The following CELF2 variants were observed in gnomAD, a reference collection of about 807,000 sequenced individuals.
CELF2 encodes CUG triplet repeat RNA-binding protein 2.
A neutral mutation model predicts 62.6 loss-of-function variants in CELF2; 8 were observed. The ratio of observed to expected loss-of-function variants is 0.13; its 90% CI spans 0.07 to 0.23. The LOEUF is 0.23. Ranked by LOEUF, CELF2 falls within the 10% of genes least tolerant of loss-of-function variation. CELF2 has a pLI of 1.00. For missense variants in CELF2, 333 were observed against 671.0 expected (o/e 0.50, Z 5.56); for synonymous variants, 258 against 250.0 (o/e 1.03, Z -0.30).
At chr10:10,824,084 C>A (rs2057191924) in intron 1 of CELF2, among the ~76,000 whole-genome samples, 1 of 152,110 alleles carries the variant, frequency 6.6e-6, no homozygotes, top group Non-Finnish European at 1.5e-5. Flanking sequence ...CTAGCTGCAA[C>A]TGAGAGATAA....
chr10:10,620,680 A>C, the CELF2 span, among the ~76,000 whole-genome samples: 24 of 151,918 alleles, frequency 1.6e-4, no homozygotes, highest in Admixed American at 1.2e-3. Context: ...AGGCAGGCGG[A>C]TCACGAGGTC....
At position 11,098,185 on chromosome 10, in the gene CELF2, G is replaced by A. The variant is rs1466156903; in HGVS notation, c.75-67301G>A. ...TTTCGTATGCCCATATTTTGGATTGGATGGACCAAGTGAAGGACAGTCTTA... is the reference window on the plus strand; with the variant it reads ...TTTCGTATGCCCATATTTTGGATTGAATGGACCAAGTGAAGGACAGTCTTA... On this transcript the variant is annotated intron_variant, in intron 1 of 12. Transcript: ENST00000633077. The surrounding 1 kb of genome is among the most constrained non-coding windows in gnomAD (Gnocchi z 4.0). 2.0e-5 allele frequency: 3 copies of A among 152,540 alleles called. No homozygotes were observed. Among genetic ancestry groups the A allele is most frequent in the African/African-American group, 7.2e-5 (3 of 41,582 alleles). The allele number at this position is 152,540 out of a possible 1,614,324, so 9.4% of individuals were successfully genotyped here. A position where few individuals can be genotyped will look rare whatever the true frequency, so the allele number is the denominator to read the frequency against.
chr10:11,082,260 A>G (rs2074221367), intron 1 of CELF2, among the ~76,000 whole-genome samples: 1 of 152,192 alleles, frequency 6.6e-6, no homozygotes, highest in East Asian at 1.9e-4. Flanking sequence ...GCTCCTTCCA[A>G]CAGAGGATCC....
intron 1 of CELF2, among the ~76,000 whole-genome samples, chr10:11,066,937 G>C (rs1240720336): frequency 6.6e-6 from 1 of 152,094 alleles, no homozygotes; most frequent in Non-Finnish European, 1.5e-5. Flanking sequence ...GCACAGTCAG[G>C]GTGAGACTGT....
chr10:11,151,913 T>C (rs890736916), intron 1 of CELF2, among the ~76,000 whole-genome samples: 5 of 152,190 alleles, frequency 3.3e-5, no homozygotes, highest in Non-Finnish European at 7.4e-5. Flanking sequence ...AGTAGCCCCC[T>C]CTCTGAGTAG....
the CELF2 span, among the ~76,000 whole-genome samples, chr10:10,713,127 A>G: frequency 1.3e-5 from 2 of 152,150 alleles, no homozygotes; most frequent in Non-Finnish European, 2.9e-5. Flanking sequence ...TTTGTTTCTG[A>G]CACCCTTTCC....
the CELF2 span, among the ~76,000 whole-genome samples, chr10:10,463,323 T>C: frequency 1.3e-5 from 2 of 152,176 alleles, no homozygotes; most frequent in South Asian, 2.1e-4. Context: ...TACTCTGTTG[T>C]GGGGGAATAA....
Position 10,931,861 on chromosome 10 carries a change from C to A in CELF2, c.89+11862C>A, listed in dbSNP as rs1027237766. Among the ~76,000 whole-genome samples the A allele has an allele frequency of 3.9e-5, 6 of 152,164 alleles. No homozygotes were observed. The highest frequency in any genetic ancestry group is 7.4e-5 in the Non-Finnish European group (5 of 68,026). On this transcript the variant is annotated intron_variant, in intron 2 of 13. Coordinates refer to the CELF2 transcript ENST00000636488. This position sits in a 1 kb window ranked among gnomAD's most constrained non-coding sequence, Gnocchi z 6.1. Reference sequence around the variant, plus strand: ...GTTCCACATGGCTAGGGAGGCCTCACAACCATGGCAGAAGGTGAATGAGGA... The same window carrying A: ...GTTCCACATGGCTAGGGAGGCCTCAAAACCATGGCAGAAGGTGAATGAGGA...
chr10:11,103,552 A>G (rs983238955), intron 1 of CELF2, among the ~76,000 whole-genome samples: 14 of 143,042 alleles, frequency 9.8e-5, no homozygotes, highest in African/African-American at 2.4e-4. Context: ...CTGAACCTCA[A>G]TGTTCTCATA....
chr10:10,824,766 C>T (rs967572511), intron 1 of CELF2, among the ~76,000 whole-genome samples: 3 of 152,188 alleles, frequency 2.0e-5, no homozygotes, highest in African/African-American at 7.2e-5. Flanking sequence ...CACATTCAAG[C>T]TGCCAAAAAA....
intron 1 of CELF2, among the ~76,000 whole-genome samples, chr10:10,884,447 A>T (rs1184505848): frequency 6.6e-6 from 1 of 152,236 alleles, no homozygotes; most frequent in Non-Finnish European, 1.5e-5. Context: ...AGGTCAAAGT[A>T]TGAGTTCACA....
At chr10:10,787,743 T>G in the CELF2 span, among the ~76,000 whole-genome samples, 1 of 152,210 alleles carries the variant, frequency 6.6e-6, no homozygotes, top group Non-Finnish European at 1.5e-5. Flanking sequence ...TGCTACATTC[T>G]TTTTTCCTAG....
At chr10:10,797,370 C>T (rs1301689450), upstream of CELF2, among the ~76,000 whole-genome samples, 3 of 151,106 alleles carry the variant, frequency 2.0e-5, no homozygotes, top group Non-Finnish European at 2.9e-5. Flanking sequence ...CTTAACATTG[C>T]GTAAACTCTC....
At position 11,305,897 on chromosome 10, in the gene CELF2, G is replaced by A. The variant is rs770716110; in HGVS notation, c.977-8242G>A. Among the ~76,000 whole-genome samples, 7 of 152,272 alleles carry A rather than the reference G, an allele frequency of 4.6e-5. No individual in the cohort carries two copies. Among genetic ancestry groups the A allele is most frequent in the South Asian group, 2.1e-4 (1 of 4,824 alleles). ...ACCATCAGGGTCTCTGGACCACCTC[G>A]CTTTTCCTGTTCTCCACACCCCACC... On this transcript the variant is annotated intron_variant, in intron 9 of 12. Transcript: ENST00000633077. The surrounding 1 kb of genome is among the most constrained non-coding windows in gnomAD (Gnocchi z 4.8).
the CELF2 span, among the ~76,000 whole-genome samples, chr10:10,516,017 T>C: frequency 2.0e-5 from 3 of 152,304 alleles, no homozygotes; most frequent in East Asian, 5.8e-4. Context: ...ACTATGTCAG[T>C]GTACTACAAC....
intron 1 of CELF2, among the ~76,000 whole-genome samples, chr10:11,095,481 C>T (rs979351620): frequency 2.0e-5 from 3 of 152,194 alleles, no homozygotes; most frequent in African/African-American, 7.2e-5. Context: ...GTGAGTTTAC[C>T]TGGAGCTAAG....
chr10:10,913,602 G>A (rs2064022864), intron 1 of CELF2, among the ~76,000 whole-genome samples: 1 of 149,502 alleles, frequency 6.7e-6, no homozygotes. Flanking sequence ...TGTTGCCCAG[G>A]CTGGTCCCAA....
rs2094925005 is a variant in CELF2, at chr10:11,315,795, T to A, written c.1096+1537T>A. Reference sequence around the variant, plus strand: ...TCACTGCCTTGACCCCCATTTCCGGTACAGCTCCTCGCTCTGACCTTGTCC... The same window carrying A: ...TCACTGCCTTGACCCCCATTTCCGGAACAGCTCCTCGCTCTGACCTTGTCC... On this transcript the variant is annotated intron_variant, in intron 10 of 12. Transcript: ENST00000633077. The surrounding 1 kb of genome is among the most constrained non-coding windows in gnomAD (Gnocchi z 5.8). Among the ~76,000 whole-genome samples, 1 of 152,202 alleles carries A rather than the reference T, an allele frequency of 6.6e-6. No individual in the cohort carries two copies. The highest frequency in any genetic ancestry group is 1.5e-5 in the Non-Finnish European group (1 of 68,012).
At chr10:10,833,331 C>T (rs991308562) in intron 1 of CELF2, among the ~76,000 whole-genome samples, 5 of 152,098 alleles carry the variant, frequency 3.3e-5, no homozygotes, top group African/African-American at 9.7e-5. Context: ...TGGGAATGTA[C>T]CTGGTATTTT....
Sources: allele counts gnomAD v4.1 joint callset (sites outside exome capture counted in the v4.1 genomes callset), GRCh38; gene constraint gnomAD v4.1.1; non-coding constraint Gnocchi (gnomAD v3.1); transcripts MANE v1.5; gene names NCBI Gene and HGNC (gene_info 2026-07-23, HGNC 2026-07-21).